USHBP1: variants seen among roughly 807,000 people sequenced by gnomAD.
USHBP1 encodes the protein USH1 protein network component harmonin binding protein 1, also known as harmonin-binding protein USHBP1.
A neutral mutation model predicts 76.2 loss-of-function variants in USHBP1; 67 were observed. That is an observed-to-expected ratio of 0.88 (90% CI 0.72 to 1.08). The LOEUF (loss-of-function observed/expected upper bound fraction) is 1.08, where lower values mean the gene tolerates loss of function less well. USHBP1 is among the 50% of genes least tolerant of loss of function. USHBP1 has a pLI of 0.00. For missense variants in USHBP1, 931 were observed against 915.0 expected (o/e 1.02, Z -0.23); for synonymous variants, 322 against 362.2 (o/e 0.89, Z 1.26).
In USHBP1 at chr19:17,253,349, C is replaced by T. The variant is rs2073577654; in HGVS notation, c.1693-1332G>A. On this transcript the variant is annotated intron_variant, in intron 10 of 12. Coordinates refer to ENST00000252597, the MANE Select transcript of USHBP1 (RefSeq NM_031941.4). ...CGTCGCCCAGGCTGGAGTGCAGTGG[C>T]GCAATCTCGGCTCACTGCAACCTCC... 2.1e-5 allele frequency among the ~76,000 whole-genome samples: 3 copies of T among 145,714 alleles called. No homozygotes were observed. In the South Asian group the frequency reaches 6.4e-4, roughly 31 times the overall value.
chr19:17,249,807 C>A lies in USHBP1; in HGVS notation c.*418G>T, dbSNP rs554057084. 2.1e-5 allele frequency: 4 copies of A among 188,150 alleles called. No individual in the cohort carries two copies. In the South Asian group the frequency reaches 4.1e-4, roughly 19 times the overall value. 11.7% of individuals were successfully genotyped at this position (188,150 alleles called of 1,614,324 possible). On this transcript the variant is annotated 3_prime_UTR_variant, in exon 13 of 13. Transcript: ENST00000252597. Reference sequence around the variant, plus strand: ...GGCCCCCTTCAGGAAAATCTGCCAGCCAAACCCAGCATCTCCCTGGGAAGG... The same window carrying A: ...GGCCCCCTTCAGGAAAATCTGCCAGACAAACCCAGCATCTCCCTGGGAAGG...
At chr19:17,254,140 G>A (rs2073588540) in intron 10 of USHBP1, among the ~76,000 whole-genome samples, 2 of 151,396 alleles carry the variant, frequency 1.3e-5, no homozygotes, top group Admixed American at 6.6e-5. Context: ...TCAGGAGATC[G>A]AGACCATCTT....
At position 17,258,203 on chromosome 19, in the gene USHBP1, G is replaced by T. The variant is rs760857971; in HGVS notation, c.1220+9C>A. The T allele has an allele frequency of 6.2e-6, 10 of 1,612,694 alleles. No homozygotes were observed. In the African/African-American group the frequency reaches 8.0e-5, roughly 13 times the overall value. ...AACCAGGCCAGTTCCCAGGGTTCCA[G>T]GGGGGTACCTTGGCTGTGGATTCTG... On this transcript the variant is annotated intron_variant, in intron 8 of 12. Coordinates refer to ENST00000252597, the MANE Select transcript of USHBP1 (RefSeq NM_031941.4).
intron 3 of USHBP1, chr19:17,263,191 C>T (rs2073712523): frequency 4.4e-6 from 2 of 452,410 alleles, no homozygotes; most frequent in Non-Finnish European, 7.5e-6. Flanking sequence ...GCTCCCACCA[C>T]CACGCCTGGC....
In USHBP1 at chr19:17,255,551, C is replaced by T; in HGVS notation, c.1526G>A (p.Gly509Asp). 2.5e-6 allele frequency: 4 copies of T among 1,613,588 alleles called. No individual in the cohort carries two copies. Among genetic ancestry groups the T allele is most frequent in the African/African-American group, 1.3e-5 (1 of 75,062 alleles). The change falls in exon 10 of 13, where the codon GGC (glycine) becomes GAC (aspartate). Residue 509 changes from glycine (G) to aspartate (D), a missense_variant. Physicochemically the swap from Gly to Asp is moderately conservative, Grantham distance 94 (BLOSUM62 -1). Transcript: ENST00000252597. ...RLQLVRREKR[G>D]LELREAALRA... ...GAGGGCAGCCTCCCGCAGCTCTAGG[C>T]CCCGCTTCTCACGCCGCACCAGCTG...
rs2073554578 is a variant in USHBP1 at position 17,251,704 on chromosome 19, C to T, written c.1800G>A (p.Arg600=). 2 of 1,613,136 alleles carry T rather than the reference C, an allele frequency of 1.2e-6. No individual in the cohort carries two copies. The highest frequency in any genetic ancestry group is 1.1e-5 in the South Asian group (1 of 91,078). Residue 600 remains arginine, a splice_region_variant and synonymous_variant, in exon 12 of 13, where the codon AGG becomes AGA. Coordinates refer to ENST00000252597, the MANE Select transcript of USHBP1 (RefSeq NM_031941.4). ...LAQELAASLT[R]TLDLQEQLQS... ...GCAGCTGCTCCTGCAGGTCCAGTGTCCTGTTGCGAAGGAGAAGAGAGGGGG... is the reference window on the plus strand; with the variant it reads ...GCAGCTGCTCCTGCAGGTCCAGTGTTCTGTTGCGAAGGAGAAGAGAGGGGG...
rs371019077 is a variant in USHBP1, at chr19:17,255,424, G to A, written c.1653C>T (p.Ser551=). ...GGANSSGGHS[S]GGGSSGDEEE... is the part of the protein sequence containing the mutation. Reference sequence around the variant, plus strand: ...CCTCGTCCCCGCTGCTGCCACCTCCGCTGCTATGTCCGCCACTGCTGTTTG... The same window carrying A: ...CCTCGTCCCCGCTGCTGCCACCTCCACTGCTATGTCCGCCACTGCTGTTTG... Residue 551 remains serine (S), a synonymous_variant, in exon 10 of 13, where the codon AGC becomes AGT. Transcript: ENST00000252597. The A allele has an allele frequency of 1.3e-5, 21 of 1,614,074 alleles. No homozygotes were observed. Among genetic ancestry groups the A allele is most frequent in the East Asian group, 1.1e-4 (5 of 44,872 alleles).
chr19:17,262,757 G>A lies in USHBP1; in HGVS notation c.437C>T (p.Pro146Leu), dbSNP rs138834718. The change falls in exon 4 of 13, where the codon CCG becomes CTG. Residue 146 changes from proline (P) to leucine (L), a missense_variant. Transcript: ENST00000252597. ...TTCGCTTGTGCCTTCGAACTCCATCGGCCCAGAATGGCTGGGGGGCTGGTG... is the reference window on the plus strand; with the variant it reads ...TTCGCTTGTGCCTTCGAACTCCATCAGCCCAGAATGGCTGGGGGGCTGGTG... ...WRHQPPSHSGPMEFEGTSEGG... is the reference protein window; with the variant it reads ...WRHQPPSHSGLMEFEGTSEGG... 8.4e-4 allele frequency: 1,361 copies of A among 1,614,196 alleles called. 4 individuals are homozygous for A. Among genetic ancestry groups the A allele is most frequent in the Middle Eastern group, 1.3e-3 (8 of 6,062 alleles).
At chr19:17,251,542 A>T (rs772680601) in intron 12 of USHBP1, 40 bp downstream of exon 12, 9 of 1,608,722 alleles carry the variant, frequency 5.6e-6, no homozygotes, top group Non-Finnish European at 7.6e-6. Context: ...CTGGTGGGGG[A>T]TGGTGCCAGG....
intron 7 of USHBP1, chr19:17,258,697 A>T (rs1264752193): frequency 3.5e-6 from 1 of 289,152 alleles, no homozygotes; most frequent in Non-Finnish European, 6.5e-6. Context: ...TGACAGAGCA[A>T]GACTCTGTCT....
chr19:17,261,117 A>T (rs769630308), intron 4 of USHBP1, among the ~76,000 whole-genome samples: 4 of 151,770 alleles, frequency 2.6e-5, no homozygotes, highest in Admixed American at 6.6e-5. Context: ...ACCTTAATCC[A>T]AGCAAAGCCC....
chr19:17,254,355 T>TA (rs948287080), intron 10 of USHBP1, among the ~76,000 whole-genome samples: 3 of 135,998 alleles, frequency 2.2e-5, no homozygotes, highest in African/African-American at 8.3e-5. Flanking sequence ...TCAAAAAAAA[T>TA]AAAAAATAAT....
In USHBP1 at chr19:17,263,808, G is replaced by A. The variant is rs867201250; in HGVS notation, c.203+194C>T. The stretch of plus-strand genomic sequence containing the variant: ...CTTGAACCGGGAGGCAGGGGTTGCT[G>A]TGAGCCGAGATTGTGCCACTGCACT... On this transcript the variant is annotated intron_variant, in intron 3 of 12. Transcript: ENST00000252597. The A allele has an allele frequency of 4.2e-4, 283 of 673,748 alleles. 6 individuals carry two copies. Among genetic ancestry groups the A allele is most frequent in the Middle Eastern group, 2.4e-3 (6 of 2,450 alleles). 41.7% of individuals were successfully genotyped at this position (673,748 alleles called of 1,614,324 possible).
At chr19:17,264,443 C>G in intron 1 of USHBP1, 96 bp from the exon 2 acceptor site, 1 of 968,444 alleles carries the variant, frequency 1.0e-6, no homozygotes, top group Non-Finnish European at 1.5e-6. Flanking sequence ...CTGACTACCC[C>G]TCAGGAAGGG....
chr19:17,261,706 C>G (rs937796559), intron 4 of USHBP1, among the ~76,000 whole-genome samples: 1 of 150,354 alleles, frequency 6.7e-6, no homozygotes, highest in East Asian at 1.9e-4. Context: ...GGTGAAATCT[C>G]GGCTCACTGC....
At chr19:17,252,160 A>G in intron 10 of USHBP1, 143 bp from the exon 11 acceptor site, 1 of 731,388 alleles carries the variant, frequency 1.4e-6, no homozygotes, top group East Asian at 2.7e-5. Context: ...CAATAAGAGC[A>G]AAATTATACT....
At chr19:17,262,446 C>G (rs2073699969) in intron 4 of USHBP1, 106 bp downstream of exon 4, 2 of 1,327,808 alleles carry the variant, frequency 1.5e-6, no homozygotes, top group Admixed American at 2.6e-5. Context: ...CCACACCCAG[C>G]CTTAAAAGGT....
chr19:17,252,976 A>AATT (rs972632012), intron 10 of USHBP1, among the ~76,000 whole-genome samples: 1 of 151,844 alleles, frequency 6.6e-6, no homozygotes, highest in Non-Finnish European at 1.5e-5. Flanking sequence ...AAATAATAAT[A>AATT]ATTTTTTTTT....
chr19:17,251,624 G>A lies in USHBP1; in HGVS notation c.1880C>T (p.Ser627Phe). Reference sequence around the variant, plus strand: ...ATCCCTGTTCAGCTCGGCACTCTGAGACCGTCTGGCTCGCCCCTTCTGAGC... The same window carrying A: ...ATCCCTGTTCAGCTCGGCACTCTGAAACCGTCTGGCTCGCCCCTTCTGAGC... ...QVAQKGRARRSQSAELNRDLC... is the reference protein window; with the variant it reads ...QVAQKGRARRFQSAELNRDLC... Residue 627 changes from serine (S) to phenylalanine (F), a missense_variant, in exon 12 of 13, where the codon TCT becomes TTT. Ser to Phe is a radical substitution (Grantham distance 155). Coordinates refer to ENST00000252597, the MANE Select transcript of USHBP1 (RefSeq NM_031941.4). 4 of 1,614,036 alleles carry A rather than the reference G, an allele frequency of 2.5e-6. No individual in the cohort carries two copies. Among genetic ancestry groups the A allele is most frequent in the Non-Finnish European group, 3.4e-6 (4 of 1,179,988 alleles).
Sources: gnomAD v4.1 joint callset for allele counts (sites outside exome capture counted in the v4.1 genomes callset) on GRCh38, gnomAD v4.1.1 for gene constraint, MANE v1.5 for transcripts, NCBI Gene and HGNC (gene_info 2026-07-23, HGNC 2026-07-21) for gene names.